Variants in CNTN5 observed in about 807,000 individuals in gnomAD.
CNTN5 encodes contactin-5.
A neutral mutation model predicts 129.1 loss-of-function variants in CNTN5; 77 were observed. The ratio of observed to expected loss-of-function variants is 0.60; its 90% CI spans 0.50 to 0.72. The LOEUF is 0.72. Among genes scored for constraint, CNTN5 ranks in the 30% least tolerant of loss-of-function variants. The pLI is 0.00. For missense variants in CNTN5, 1,478 were observed against 1,328.8 expected, an observed-to-expected ratio of 1.11 and a Z score of -1.75; for synonymous variants, 509 against 465.6, an observed-to-expected ratio of 1.09 and a Z score of -1.20.
At chr11:99,566,386 T>G (rs901905583) in intron 3 of CNTN5, among the ~76,000 whole-genome samples, 2 of 152,208 alleles carry the variant, frequency 1.3e-5, no homozygotes, top group Admixed American at 1.3e-4. Context: ...CTTTACGAAT[T>G]ATCTAGCTTC....
chr11:99,263,446 A>G (rs911199378), intron 1 of CNTN5, among the ~76,000 whole-genome samples: 1 of 152,032 alleles, frequency 6.6e-6, no homozygotes, highest in African/African-American at 2.4e-5. Context: ...CATGTGAAAA[A>G]CCTCAATATC....
At chr11:99,619,503 T>G (rs1304569964) in intron 3 of CNTN5, among the ~76,000 whole-genome samples, 1 of 152,206 alleles carries the variant, frequency 6.6e-6, no homozygotes, top group East Asian at 1.9e-4. Context: ...ACCATCTATC[T>G]CCAGAAATTT....
At chr11:99,586,471 G>A (rs1005599614) in intron 3 of CNTN5, among the ~76,000 whole-genome samples, 1 of 152,038 alleles carries the variant, frequency 6.6e-6, no homozygotes. Flanking sequence ...TTTAACCATG[G>A]TACCTTTCTG....
chr11:99,695,491 G>A (rs1045333832), intron 3 of CNTN5, among the ~76,000 whole-genome samples: 4 of 152,074 alleles, frequency 2.6e-5, no homozygotes, highest in Admixed American at 6.6e-5. Context: ...TTAAGAAGTA[G>A]CAGAAGCTGA....
intron 1 of CNTN5, among the ~76,000 whole-genome samples, chr11:99,077,040 T>A (rs1054037123): frequency 2.6e-5 from 4 of 152,224 alleles, no homozygotes; most frequent in Non-Finnish European, 4.4e-5. Context: ...ATTTGTTTTC[T>A]TCTCATACTA....
chr11:99,361,549 G>A (rs545107074), intron 2 of CNTN5, among the ~76,000 whole-genome samples: 1 of 152,180 alleles, frequency 6.6e-6, no homozygotes, highest in East Asian at 1.9e-4. Context: ...AGTTGCATTA[G>A]TTTGCTCATA....
At chr11:100,040,520 G>A (rs1294747035) in intron 9 of CNTN5, among the ~76,000 whole-genome samples, 2 of 152,206 alleles carry the variant, frequency 1.3e-5, no homozygotes, top group Admixed American at 1.3e-4. Context: ...ATTTAAGTCT[G>A]CAGAGGTTAC....
intron 3 of CNTN5, among the ~76,000 whole-genome samples, chr11:99,751,605 C>T (rs528598611): frequency 1.6e-3 from 243 of 152,180 alleles, no homozygotes; most frequent in Non-Finnish European, 9.4e-4. Flanking sequence ...TCCCAGCACT[C>T]CTAATTTTTC....
chr11:99,252,262 T>C (rs913863125), intron 1 of CNTN5, among the ~76,000 whole-genome samples: 1 of 151,954 alleles, frequency 6.6e-6, no homozygotes, highest in Non-Finnish European at 1.5e-5. Context: ...AACTATAGCT[T>C]ATTTGTCGAG....
chr11:99,675,168 A>G (rs920050376), intron 3 of CNTN5, among the ~76,000 whole-genome samples: 2 of 152,146 alleles, frequency 1.3e-5, no homozygotes, highest in South Asian at 2.1e-4. Flanking sequence ...TCTCTGAATA[A>G]TTATTGACTA....
intron 9 of CNTN5, among the ~76,000 whole-genome samples, chr11:100,039,019 A>G (rs1405930881): frequency 6.6e-6 from 1 of 152,104 alleles, no homozygotes; most frequent in Non-Finnish European, 1.5e-5. Flanking sequence ...TTATGGTGTT[A>G]GCTGGTTATT....
At chr11:99,911,372 A>T (rs1258701767) in intron 6 of CNTN5, among the ~76,000 whole-genome samples, 1 of 151,658 alleles carries the variant, frequency 6.6e-6, no homozygotes, top group Non-Finnish European at 1.5e-5. Context: ...TTCCAAACAC[A>T]CCTCCTATAA....
At chr11:99,362,663 C>G (rs897802634) in intron 2 of CNTN5, among the ~76,000 whole-genome samples, 1 of 150,724 alleles carries the variant, frequency 6.6e-6, no homozygotes, top group African/African-American at 2.4e-5. Flanking sequence ...AGCTCTTATG[C>G]TTAGGTATTT....
chr11:100,051,681 T>C (rs1367307394), intron 9 of CNTN5, among the ~76,000 whole-genome samples: 1 of 151,798 alleles, frequency 6.6e-6, no homozygotes, highest in African/African-American at 2.4e-5. Context: ...TCAAATCTCA[T>C]TTTTAGAAAA....
At chr11:99,690,951 A>G (rs561608988) in intron 3 of CNTN5, among the ~76,000 whole-genome samples, 4 of 151,908 alleles carry the variant, frequency 2.6e-5, no homozygotes, top group African/African-American at 4.8e-5. Context: ...ATTTTGGTCT[A>G]CTCAGGGATT....
intron 1 of CNTN5, among the ~76,000 whole-genome samples, chr11:99,249,771 T>C (rs1277597774): frequency 6.6e-6 from 1 of 151,970 alleles, no homozygotes; most frequent in Non-Finnish European, 1.5e-5. Flanking sequence ...TCTAGTATAG[T>C]GAACTTTCTC....
chr11:99,441,439 C>T (rs1400297643), intron 2 of CNTN5, among the ~76,000 whole-genome samples: 1 of 151,980 alleles, frequency 6.6e-6, no homozygotes, highest in African/African-American at 2.4e-5. Flanking sequence ...TTAGAAACAC[C>T]CCCACGTTAA....
At chr11:99,164,049 A>C (rs991135468) in intron 1 of CNTN5, among the ~76,000 whole-genome samples, 7 of 152,146 alleles carry the variant, frequency 4.6e-5, no homozygotes, top group Non-Finnish European at 8.8e-5. Flanking sequence ...GCAATTGGGC[A>C]GGGCGCAGTG....
intron 2 of CNTN5, among the ~76,000 whole-genome samples, chr11:99,479,083 T>C (rs933294422): frequency 6.6e-6 from 1 of 151,804 alleles, no homozygotes; most frequent in Non-Finnish European, 1.5e-5. Flanking sequence ...AAACAATGGA[T>C]TAAAATTCAT....
Sources: gnomAD v4.1 joint callset for allele counts (sites outside exome capture counted in the v4.1 genomes callset) on GRCh38, gnomAD v4.1.1 for gene constraint, MANE v1.5 for transcripts, NCBI Gene and HGNC (gene_info 2026-07-23, HGNC 2026-07-21) for gene names.